The following SNRPN variants were observed in gnomAD, a reference collection of about 807,000 sequenced individuals.
SNRPN encodes small nuclear ribonucleoprotein polypeptide N, also known as small nuclear ribonucleoprotein-associated protein N.
A neutral mutation model predicts 25.2 loss-of-function variants in SNRPN; 7 were observed. The ratio of observed to expected loss-of-function variants is 0.28; its 90% CI spans 0.16 to 0.52. The LOEUF is 0.52. SNRPN is among the 20% of genes least tolerant of loss of function. The pLI, the probability that SNRPN is intolerant of heterozygous loss-of-function variation, is 0.96. For missense variants in SNRPN, 196 were observed against 322.5 expected (o/e 0.61, Z 3.00); for synonymous variants, 124 against 110.6 (o/e 1.12, Z -0.76).
chr15:24,922,890 C>CTTTTTTTTTTTTTTTTTT (rs71412618), intron 3 of SNRPN, among the ~76,000 whole-genome samples: 3 of 68,170 alleles, frequency 4.4e-5, no homozygotes, highest in Admixed American at 2.7e-4. Context: ...TAGGCAGATC[C>CTTTTTTTTTTTTTTTTTT]TTTTTTTTTT....
chr15:24,958,129 G>A (rs544877140), intron 1 of SNRPN, among the ~76,000 whole-genome samples: 1 of 152,222 alleles, frequency 6.6e-6, no homozygotes, highest in African/African-American at 2.4e-5. Flanking sequence ...TTGCCGAAAT[G>A]TTTTCCACAT....
At chr15:24,889,585 A>G (rs145053977) in intron 2 of SNRPN, among the ~76,000 whole-genome samples, 4,668 of 150,640 alleles carry the variant, frequency 0.031, 94 homozygotes, top group Non-Finnish European at 0.039. Context: ...GATTACAGGC[A>G]TGAGCCACCG....
exon 1 of SNRPN, chr15:24,856,566 C>G (rs1166094529): frequency 2.0e-5 from 3 of 152,220 alleles, no homozygotes; most frequent in Non-Finnish European, 4.4e-5. Flanking sequence ...AGCTCAGAGC[C>G]TTCTGTGGGG....
At chr15:24,911,938 C>G (rs2152204232) in intron 2 of SNRPN, among the ~76,000 whole-genome samples, 1 of 152,340 alleles carries the variant, frequency 6.6e-6, no homozygotes, top group East Asian at 1.9e-4. Flanking sequence ...TGACTACAAC[C>G]TGTAGAACTG....
chr15:24,839,969 A>G lies in SNRPN; in HGVS notation c.-579+10064A>G, dbSNP rs578200957. Among the ~76,000 whole-genome samples the G allele has an allele frequency of 7.2e-5, 11 of 152,318 alleles. No individual in the cohort carries two copies. The South Asian group carries it at 1.2e-3, about 17-fold the overall frequency. The stretch of plus-strand genomic sequence containing the variant: ...GAGCTTGTGAGCCATCCAGAGAGAA[A>G]TGGCAGTTCAGGTTGCAGAGTTTCA... On this transcript the variant is annotated intron_variant, in intron 2 of 12. Coordinates refer to the SNRPN transcript ENST00000400100.
chr15:24,827,541 A>T (rs1251076491), intron 1 of SNRPN, among the ~76,000 whole-genome samples: 1 of 141,884 alleles, frequency 7.0e-6, no homozygotes, highest in Admixed American at 7.2e-5. Context: ...AAAAAGAAAC[A>T]CTGTATGCTT....
At position 24,872,467 on chromosome 15, in the gene SNRPN, T is replaced by C. The variant is rs557506271; in HGVS notation, c.-578-14049T>C. Among the ~76,000 whole-genome samples, 4 of 120,102 alleles carry C rather than the reference T, an allele frequency of 3.3e-5. 2 individuals are homozygous for C. The highest frequency in any genetic ancestry group is 6.0e-4 in the East Asian group (2 of 3,314). The allele number at this position is 120,102 out of a possible 152,430, so 78.8% of individuals were successfully genotyped here. A position where few individuals can be genotyped will look rare whatever the true frequency, so the allele number is the denominator to read the frequency against. ...TTTTTTTGGAAAATATAGTTTAGGC[T>C]GGGCGCAGTGGCTCACGCCTGTAAT... On this transcript the variant is annotated intron_variant, in intron 1 of 11. Transcript: ENST00000400097.
At position 24,878,002 on chromosome 15, in the gene SNRPN, G is replaced by A. The variant is rs546043007; in HGVS notation, c.-578-8514G>A. 2.6e-5 allele frequency among the ~76,000 whole-genome samples: 4 copies of A among 152,244 alleles called. No individual in the cohort carries two copies. In the East Asian group the frequency reaches 7.7e-4, roughly 29 times the overall value. The stretch of plus-strand genomic sequence containing the variant: ...TTCACTTACAAACATGCATGTACAC[G>A]ATTGTGTTACCATGGACAAACACAT... On this transcript the variant is annotated intron_variant, in intron 1 of 11. Transcript: ENST00000400097.
intron 1 of SNRPN, among the ~76,000 whole-genome samples, chr15:24,858,678 G>A (rs927127126): frequency 1.3e-5 from 2 of 151,806 alleles, no homozygotes; most frequent in East Asian, 1.9e-4. Context: ...ATATGCACCT[G>A]TAATCCCAGC....
chr15:24,866,433 C>G (rs534763535), intron 1 of SNRPN, among the ~76,000 whole-genome samples: 2 of 152,192 alleles, frequency 1.3e-5, no homozygotes, highest in South Asian at 2.1e-4. Flanking sequence ...GGCTCTCGCT[C>G]TGCACCTAGG....
chr15:24,898,643 G>A (rs562018114), intron 2 of SNRPN, among the ~76,000 whole-genome samples: 5 of 152,084 alleles, frequency 3.3e-5, no homozygotes, highest in East Asian at 1.9e-4. Flanking sequence ...TTTGAATTGC[G>A]TATGACAAAA....
At chr15:24,852,767 A>G (rs538550859), upstream of SNRPN, among the ~76,000 whole-genome samples, 1 of 152,246 alleles carries the variant, frequency 6.6e-6, no homozygotes, top group South Asian at 2.1e-4. Context: ...TCTAAAAAAA[A>G]TGCAAAAAAT....
intron 1 of SNRPN, among the ~76,000 whole-genome samples, chr15:24,824,972 T>C (rs2049973022): frequency 6.6e-6 from 1 of 152,074 alleles, no homozygotes. Flanking sequence ...ATCTATGAGA[T>C]TCAATAGCAA....
At chr15:24,931,838 CAAAAAAAAAAAAAAA>C (rs71127026) in intron 3 of SNRPN, among the ~76,000 whole-genome samples, 4 of 42,992 alleles carry the variant, frequency 9.3e-5, no homozygotes, top group South Asian at 1.7e-3. Flanking sequence ...GAACCTGTCT[CAAAAAAAAAAAAAAA>C]AAAAAAAAAA....
At chr15:24,952,145 A>G (rs1202892625), upstream of SNRPN, among the ~76,000 whole-genome samples, 1 of 152,138 alleles carries the variant, frequency 6.6e-6, no homozygotes, top group African/African-American at 2.4e-5. Context: ...ACATAGGTAT[A>G]TATGTGTACC....
chr15:24,932,277 C>G lies in SNRPN; in HGVS notation c.-391+12153C>G, dbSNP rs182493216. Among the ~76,000 whole-genome samples the G allele has an allele frequency of 9.9e-5, 15 of 152,280 alleles. No individual in the cohort carries two copies. The East Asian group carries it at 2.9e-3, about 29-fold the overall frequency. On this transcript the variant is annotated intron_variant, in intron 3 of 11. Transcript: ENST00000400097. ...GAGATGGAGTTTTGCTCTTGTTGCC[C>G]AGGCTGAAGTGCAATGGTGCGATCT...
intron 3 of SNRPN, among the ~76,000 whole-genome samples, chr15:24,935,533 G>A (rs1293755741): frequency 6.6e-6 from 1 of 152,134 alleles, no homozygotes; most frequent in Non-Finnish European, 1.5e-5. Context: ...TGGGAAGTGG[G>A]AAGCATTTTG....
chr15:24,854,952 C>T (rs563921789), upstream of SNRPN, among the ~76,000 whole-genome samples: 7 of 151,502 alleles, frequency 4.6e-5, no homozygotes, highest in African/African-American at 1.2e-4. Flanking sequence ...TGCAGCGAGC[C>T]GAGATTGTGC....
upstream of SNRPN, chr15:24,851,986 T>C (rs2052893190): frequency 6.6e-6 from 1 of 152,226 alleles, no homozygotes; most frequent in Non-Finnish European, 1.5e-5. Flanking sequence ...ACTTTTACAT[T>C]ATATCATAGA....
Sources: gnomAD v4.1 joint callset for allele counts (sites outside exome capture counted in the v4.1 genomes callset) on GRCh38, gnomAD v4.1.1 for gene constraint, MANE v1.5 for transcripts, NCBI Gene and HGNC (gene_info 2026-07-23, HGNC 2026-07-21) for gene names.